The following PPP2R3B variants were observed in gnomAD, a reference collection of about 807,000 sequenced individuals.
PPP2R3B encodes protein phosphatase 2 regulatory subunit B''beta, also known as serine/threonine-protein phosphatase 2A regulatory subunit B'' subunit beta.
PPP2R3B carries 68 observed loss-of-function variants against 72.9 expected under a neutral mutation model. The ratio of observed to expected loss-of-function variants is 0.93; its 90% CI spans 0.77 to 1.14. The LOEUF is 1.14. Ranked by LOEUF, PPP2R3B falls within the 50% of genes most tolerant of loss-of-function variation. PPP2R3B has a pLI of 0.00. For missense variants in PPP2R3B, 1,018 were observed against 842.0 expected (o/e 1.21, Z -2.59); for synonymous variants, 466 against 375.8 (o/e 1.24, Z -2.78).
At chrX:346,369 G>T in intron 5 of PPP2R3B, 109 bp from the exon 6 acceptor site, 1 of 1,066,250 alleles carries the variant, frequency 9.4e-7, no homozygotes, top group Non-Finnish European at 1.4e-6. Context: ...CAGCCGCACG[G>T]GGCCGCCAGG....
chrX:371,176 G>A (rs1240603310), intron 1 of PPP2R3B, among the ~76,000 whole-genome samples: 5 of 152,106 alleles, frequency 3.3e-5, no homozygotes, highest in Non-Finnish European at 7.4e-5. Flanking sequence ...GAAGAGCTCA[G>A]CCAAGCAGCT....
At chrX:372,983 C>T (rs752413640) in intron 1 of PPP2R3B, among the ~76,000 whole-genome samples, 3 of 152,178 alleles carry the variant, frequency 2.0e-5, no homozygotes, top group African/African-American at 7.2e-5. Context: ...AATAAAACCA[C>T]GCTGCATAAA....
intron 1 of PPP2R3B, among the ~76,000 whole-genome samples, chrX:379,741 ATACTGT>A (rs1207172765): frequency 2.2e-4 from 33 of 152,376 alleles, no homozygotes; most frequent in African/African-American, 7.7e-4. Flanking sequence ...GGATTGGAAA[ATACTGT>A]TAAGGTATCA....
At chrX:370,886 C>T (rs1167590852) in intron 1 of PPP2R3B, among the ~76,000 whole-genome samples, 1 of 152,232 alleles carries the variant, frequency 6.6e-6, no homozygotes, top group Non-Finnish European at 1.5e-5. Flanking sequence ...GGGGACGGCG[C>T]TTTCAGCCAT....
At chrX:379,419 C>T (rs1356775465) in intron 1 of PPP2R3B, among the ~76,000 whole-genome samples, 1 of 149,434 alleles carries the variant, frequency 6.7e-6, no homozygotes, top group Admixed American at 6.6e-5. Context: ...TGTGTGTATG[C>T]ACCTGTGTTT....
intron 2 of PPP2R3B, among the ~76,000 whole-genome samples, chrX:354,784 C>T (rs2071405848): frequency 6.6e-6 from 1 of 152,054 alleles, no homozygotes; most frequent in Non-Finnish European, 1.5e-5. Context: ...CCCAGGAGGT[C>T]GAGGCTGCAG....
chrX:346,553 T>G (rs2071218676), intron 5 of PPP2R3B, 148 bp downstream of exon 5: 8 of 774,190 alleles, frequency 1.0e-5, no homozygotes, highest in Middle Eastern at 3.8e-4. Flanking sequence ...CCCGGGCGGG[T>G]GGAGACTCTC....
intron 1 of PPP2R3B, among the ~76,000 whole-genome samples, chrX:384,213 C>T (rs1488211993): frequency 3.3e-5 from 5 of 151,348 alleles, no homozygotes; most frequent in Non-Finnish European, 7.4e-5. Flanking sequence ...GGATGTTTTT[C>T]TTTTTCTCTA....
intron 2 of PPP2R3B, among the ~76,000 whole-genome samples, chrX:360,338 A>T (rs926752137): frequency 4.6e-5 from 7 of 152,224 alleles, no homozygotes; most frequent in Non-Finnish European, 1.0e-4. Flanking sequence ...GTTCAAGACC[A>T]GCCTGGCCAA....
At position 381,435 on chromosome X, in the gene PPP2R3B, A is replaced by G. The variant is rs757479226; in HGVS notation, c.324+4933T>C. The stretch of plus-strand genomic sequence containing the variant: ...TGACAGCTCATACTCCATTCTGTAC[A>G]TGTGTGGGTGAGAAAAAGCTGCTTT... On this transcript the variant is annotated intron_variant, in intron 1 of 12. Coordinates refer to ENST00000390665, the MANE Select transcript of PPP2R3B (RefSeq NM_013239.5). Among the ~76,000 whole-genome samples, 5 of 152,100 alleles carry G rather than the reference A, an allele frequency of 3.3e-5. No individual in the cohort carries two copies. In the South Asian group the frequency reaches 8.3e-4, roughly 25 times the overall value.
intron 1 of PPP2R3B, among the ~76,000 whole-genome samples, chrX:363,041 C>T (rs1361227385): frequency 2.0e-5 from 3 of 152,248 alleles, no homozygotes; most frequent in Non-Finnish European, 4.4e-5. Flanking sequence ...AGTTGTTTTT[C>T]TCTGATCCCC....
chrX:336,915 G>A (rs2070905127), intron 12 of PPP2R3B: 1 of 152,200 alleles, frequency 6.6e-6, no homozygotes, highest in South Asian at 2.1e-4. Context: ...GGCCCACAGG[G>A]ATCCATTCAC....
chrX:384,667 G>T (rs373258748), intron 1 of PPP2R3B, among the ~76,000 whole-genome samples: 1 of 151,960 alleles, frequency 6.6e-6, no homozygotes, highest in Non-Finnish European at 1.5e-5. Context: ...TCCACCAGCC[G>T]TAACTACAGC....
At chrX:385,242 T>A (rs1018789386) in intron 1 of PPP2R3B, among the ~76,000 whole-genome samples, 2 of 151,654 alleles carry the variant, frequency 1.3e-5, no homozygotes, top group African/African-American at 4.8e-5. Flanking sequence ...ACTTCTTGAA[T>A]ATATACACTT....
chrX:373,041 T>G (rs1282183533), intron 1 of PPP2R3B, among the ~76,000 whole-genome samples: 1 of 152,110 alleles, frequency 6.6e-6, no homozygotes, highest in Non-Finnish European at 1.5e-5. Flanking sequence ...AGTTAGCCAG[T>G]GGGAAGGAAT....
At chrX:344,678 C>T (rs1219685433) in intron 7 of PPP2R3B, among the ~76,000 whole-genome samples, 8 of 152,220 alleles carry the variant, frequency 5.3e-5, no homozygotes, top group Admixed American at 5.2e-4. Context: ...GTGCTCTCCT[C>T]GTGGCTAGTT....
At chrX:334,555 C>G (rs764800665) in intron 12 of PPP2R3B, 38 bp from the exon 13 acceptor site, 3 of 1,457,654 alleles carry the variant, frequency 2.1e-6, no homozygotes, top group East Asian at 5.3e-5. Context: ...GCCAGCAGCG[C>G]GGAGCAGGCC....
At chrX:348,928 C>T (rs138841515) in intron 2 of PPP2R3B, among the ~76,000 whole-genome samples, 2,726 of 152,158 alleles carry the variant, frequency 0.018, 38 homozygotes, top group Non-Finnish European at 0.028. Context: ...AGCCTGGACG[C>T]GGTCAGGGAC....
At chrX:382,081 GCACC>G (rs2072138630) in intron 1 of PPP2R3B, among the ~76,000 whole-genome samples, 1 of 151,950 alleles carries the variant, frequency 6.6e-6, no homozygotes, top group Non-Finnish European at 1.5e-5. Context: ...GCAGAATCCT[GCACC>G]CTGCACACCC....
Sources: gnomAD v4.1 joint callset for allele counts (sites outside exome capture counted in the v4.1 genomes callset) on GRCh38, gnomAD v4.1.1 for gene constraint, MANE v1.5 for transcripts, NCBI Gene and HGNC (gene_info 2026-07-23, HGNC 2026-07-21) for gene names.